Variants in MAP2K5 observed in about 807,000 individuals in gnomAD.
The protein encoded by MAP2K5 is dual specificity mitogen-activated protein kinase kinase 5.
MAP2K5 carries 49 observed loss-of-function variants against 83.1 expected under a neutral mutation model. The ratio of observed to expected loss-of-function variants is 0.59; its 90% CI spans 0.47 to 0.75. MAP2K5 has a LOEUF of 0.75. Among genes scored for constraint, MAP2K5 ranks in the 30% least tolerant of loss-of-function variants. The pLI, the probability that MAP2K5 is intolerant of heterozygous loss-of-function variation, is 0.00. For synonymous variants in MAP2K5, 202 were observed against 191.8 expected (o/e 1.05, Z -0.44); for missense variants, 457 against 557.5 (o/e 0.82, Z 1.82).
intron 8 of MAP2K5, among the ~76,000 whole-genome samples, chr15:67,603,160 T>G (rs2085700027): frequency 6.6e-6 from 1 of 152,258 alleles, no homozygotes; most frequent in African/African-American, 2.4e-5. Flanking sequence ...TGTTGGCAAC[T>G]GTTAACACCA....
At chr15:67,591,842 T>C (rs2085419083) in intron 6 of MAP2K5, among the ~76,000 whole-genome samples, 1 of 151,032 alleles carries the variant, frequency 6.6e-6, no homozygotes, top group East Asian at 2.0e-4. Context: ...CCAGGGGTGG[T>C]GGCTCCCGCC....
intron 6 of MAP2K5, among the ~76,000 whole-genome samples, chr15:67,590,965 C>T (rs542072814): frequency 1.3e-5 from 2 of 152,244 alleles, no homozygotes; most frequent in Admixed American, 1.3e-4. Flanking sequence ...CAGACTCTCC[C>T]CTGTTGGGGG....
chr15:67,739,910 C>G (rs1368858972), intron 17 of MAP2K5, among the ~76,000 whole-genome samples: 1 of 152,160 alleles, frequency 6.6e-6, no homozygotes, highest in Admixed American at 6.5e-5. Context: ...TATGTGGAAC[C>G]AAAACTAATG....
intron 9 of MAP2K5, chr15:67,642,314 A>T (rs1426997007): frequency 2.7e-6 from 2 of 738,378 alleles, no homozygotes; most frequent in Non-Finnish European, 4.3e-6. Context: ...ACTGTGAGTT[A>T]GACCCTGTGT....
rs538994204 is a variant in MAP2K5, at chr15:67,802,653, C to T, written c.1243-3993C>T. 6.6e-6 allele frequency among the ~76,000 whole-genome samples: 1 copy of T among 152,352 alleles called. No homozygotes were observed. Among genetic ancestry groups the T allele is most frequent in the East Asian group, 1.9e-4 (1 of 5,180 alleles). On this transcript the variant is annotated intron_variant, in intron 21 of 21. Coordinates refer to ENST00000178640, the MANE Select transcript of MAP2K5 (RefSeq NM_145160.3). This position sits in a 1 kb window ranked among gnomAD's most constrained non-coding sequence, Gnocchi z 5.0. ...GCCAGGTTCCACAGACATGGCTGTG[C>T]AGAAATGGTGCTAACATGCTTTCCG...
chr15:67,589,937 A>T (rs1428735934), intron 6 of MAP2K5, among the ~76,000 whole-genome samples: 1 of 152,170 alleles, frequency 6.6e-6, no homozygotes, highest in African/African-American at 2.4e-5. Flanking sequence ...TTAAATTAGG[A>T]TAATAAGCAT....
In MAP2K5 at chr15:67,543,036, C is replaced by T. The variant is rs901710387; in HGVS notation, c.-300C>T. 1.8e-5 allele frequency: 8 copies of T among 437,346 alleles called. No individual in the cohort carries two copies. In the Admixed American group the frequency reaches 2.9e-4, roughly 16 times the overall value. 27.1% of individuals were successfully genotyped at this position (437,346 alleles called of 1,614,324 possible). A position where few individuals can be genotyped will look rare whatever the true frequency, so the allele number is the denominator to read the frequency against. The stretch of plus-strand genomic sequence containing the variant: ...ACCCACACGGCGGCAGAGACCTTCA[C>T]CATAGCGTTCGCTCAACTCCAGAAC... On this transcript the variant is annotated 5_prime_UTR_variant, in exon 1 of 22. Transcript: ENST00000178640. This position sits in a 1 kb window ranked among gnomAD's most constrained non-coding sequence, Gnocchi z 4.3.
At chr15:67,586,964 T>G (rs776646337) in intron 6 of MAP2K5, 51 bp downstream of exon 6, 5 of 1,570,862 alleles carry the variant, frequency 3.2e-6, no homozygotes, top group Non-Finnish European at 4.4e-6. Flanking sequence ...TCTACAGAGT[T>G]GGGGTGGGGT....
rs773634695 is a variant in MAP2K5 at position 67,806,833 on chromosome 15, G to A, written c.*83G>A. 32 of 1,597,280 alleles carry A rather than the reference G, an allele frequency of 2.0e-5. No individual in the cohort carries two copies. In the East Asian group the frequency reaches 3.3e-4, roughly 17 times the overall value. ...TCGCCCTTCTCCGTATGCTGCCTGC[G>A]CCAGAAGAGCTTTGCTGGGCCCTGG... On this transcript the variant is annotated 3_prime_UTR_variant, in exon 22 of 22. Coordinates refer to ENST00000178640, the MANE Select transcript of MAP2K5 (RefSeq NM_145160.3).
At chr15:67,803,302 G>C (rs763326851) in intron 21 of MAP2K5, among the ~76,000 whole-genome samples, 2 of 152,200 alleles carry the variant, frequency 1.3e-5, no homozygotes, top group African/African-American at 2.4e-5. Flanking sequence ...TTAAGAGTCT[G>C]GCCTTGCCAA....
At chr15:67,712,450 AAAG>A (rs1346991811) in intron 16 of MAP2K5, among the ~76,000 whole-genome samples, 1 of 152,214 alleles carries the variant, frequency 6.6e-6, no homozygotes, top group Non-Finnish European at 1.5e-5. Flanking sequence ...CAACAACTAA[AAAG>A]AAAAGCAATT....
intron 12 of MAP2K5, among the ~76,000 whole-genome samples, chr15:67,664,239 A>C (rs989756899): frequency 6.7e-6 from 1 of 148,852 alleles, no homozygotes; most frequent in Non-Finnish European, 1.5e-5. Context: ...TACGCCTGTA[A>C]TCCTAGCACT....
At chr15:67,664,695 C>G (rs1425977130) in intron 13 of MAP2K5, 50 bp downstream of exon 13, 2 of 1,212,820 alleles carry the variant, frequency 1.6e-6, no homozygotes, top group Non-Finnish European at 2.4e-6. Flanking sequence ...GGGGTTGGGT[C>G]TCTCCAGATA....
intron 17 of MAP2K5, among the ~76,000 whole-genome samples, chr15:67,743,502 T>G (rs2089538107): frequency 6.6e-6 from 1 of 152,260 alleles, no homozygotes; most frequent in African/African-American, 2.4e-5. Flanking sequence ...CATATCAGTT[T>G]GCTAAAAGTC....
chr15:67,684,834 A>G (rs2087912265), intron 13 of MAP2K5, among the ~76,000 whole-genome samples: 1 of 152,226 alleles, frequency 6.6e-6, no homozygotes, highest in South Asian at 2.1e-4. Context: ...GAATTAACTG[A>G]ATTAGACACT....
Position 67,780,882 on chromosome 15 carries a change from A to G in MAP2K5, c.1242+8130A>G, listed in dbSNP as rs1054839458. Among the ~76,000 whole-genome samples the G allele has an allele frequency of 5.3e-5, 8 of 152,240 alleles. No individual in the cohort carries two copies. The highest frequency in any genetic ancestry group is 3.9e-4 in the Admixed American group (6 of 15,284). The stretch of plus-strand genomic sequence containing the variant: ...AGGAGGTGCTGACCAGGTGGTGATC[A>G]GCAGCACATATGATCTTTGGTATGC... On this transcript the variant is annotated intron_variant, in intron 21 of 21. Coordinates refer to ENST00000178640, the MANE Select transcript of MAP2K5 (RefSeq NM_145160.3). This position sits in a 1 kb window ranked among gnomAD's most constrained non-coding sequence, Gnocchi z 5.0.
At chr15:67,612,555 T>C (rs2085951161) in intron 8 of MAP2K5, among the ~76,000 whole-genome samples, 1 of 152,190 alleles carries the variant, frequency 6.6e-6, no homozygotes, top group Non-Finnish European at 1.5e-5. Context: ...TGACTGTCCC[T>C]GGATGGTATA....
intron 20 of MAP2K5, among the ~76,000 whole-genome samples, chr15:67,771,869 T>C (rs1308544317): frequency 6.6e-6 from 1 of 152,220 alleles, no homozygotes; most frequent in Non-Finnish European, 1.5e-5. Context: ...TTCCAAGTGA[T>C]AGAAGCAGCA....
chr15:67,631,565 T>C (rs556087029), intron 9 of MAP2K5, among the ~76,000 whole-genome samples: 1 of 152,308 alleles, frequency 6.6e-6, no homozygotes, highest in East Asian at 1.9e-4. Flanking sequence ...TCCCTCGGCA[T>C]ACTGAAATAC....
Sources: allele counts gnomAD v4.1 joint callset (sites outside exome capture counted in the v4.1 genomes callset), GRCh38; gene constraint gnomAD v4.1.1; non-coding constraint Gnocchi (gnomAD v3.1); transcripts MANE v1.5; gene names NCBI Gene and HGNC (gene_info 2026-07-23, HGNC 2026-07-21).